Variants in RSBN1 observed in about 807,000 individuals in gnomAD.
The protein encoded by RSBN1 is lysine-specific demethylase 9.
Under a neutral mutation model 74.8 loss-of-function variants are expected in RSBN1, and 23 were observed. The observed-to-expected ratio is 0.31, with a 90% confidence interval of 0.22 to 0.44. The LOEUF is 0.44. Ranked by LOEUF, RSBN1 falls within the 20% of genes least tolerant of loss-of-function variation. The pLI, the probability that RSBN1 is intolerant of heterozygous loss-of-function variation, is 1.00. For missense variants in RSBN1, 808 were observed against 1,020.9 expected (o/e 0.79, Z 2.84); for synonymous variants, 407 against 379.6 (o/e 1.07, Z -0.84).
At position 113,765,217 on chromosome 1, in the gene RSBN1, TC is replaced by T. The variant is rs1415351473; in HGVS notation, c.*762del. 1.3e-5 allele frequency: 2 copies of T among 152,316 alleles called. No individual in the cohort carries two copies. The highest frequency in any genetic ancestry group is 4.8e-5 in the African/African-American group (2 of 41,452). 9.4% of individuals were successfully genotyped at this position (152,316 alleles called of 1,614,324 possible). ...TGCCAGGAAGCAGAACAATAGAGTA[TC>T]ATGTCAACATTATCTCTTTTACCCA... On this transcript the variant is annotated 3_prime_UTR_variant, in exon 7 of 7. Coordinates refer to ENST00000261441, the MANE Select transcript of RSBN1 (RefSeq NM_018364.5).
In RSBN1 at chr1:113,774,605, A is replaced by T. The variant is rs1469145361; in HGVS notation, c.1658+2605T>A. Among the ~76,000 whole-genome samples the T allele has an allele frequency of 2.0e-5, 3 of 151,976 alleles. No homozygotes were observed. The East Asian group carries it at 5.8e-4, about 29-fold the overall frequency. ...AGCAGGAGAATGGTGTGAACCCGGG[A>T]GGAGGGGCTTGCAGTGAGCCGAGAT... On this transcript the variant is annotated intron_variant, in intron 4 of 6. Coordinates refer to ENST00000261441, the MANE Select transcript of RSBN1 (RefSeq NM_018364.5).
rs138448231 is a variant in RSBN1 at position 113,812,187 on chromosome 1, G to C, written c.226C>G (p.Pro76Ala). ...CCCCGCGGGGAGACCCCAGCATGAGGTTTCTCCTTCCCCTCTTTGTCCGGC... is the reference window on the plus strand; with the variant it reads ...CCCCGCGGGGAGACCCCAGCATGAGCTTTCTCCTTCCCCTCTTTGTCCGGC... ...EEPDKEGKEK[P>A]HAGVSPRGVK... Residue 76 changes from proline (P) to alanine (A), a missense_variant, in exon 1 of 7, where the codon CCT becomes GCT. Coordinates refer to ENST00000261441, the MANE Select transcript of RSBN1 (RefSeq NM_018364.5). The C allele has an allele frequency of 1.2e-5, 19 of 1,608,680 alleles. No homozygotes were observed. The highest frequency in any genetic ancestry group is 1.6e-5 in the Non-Finnish European group (19 of 1,179,874).
intron 1 of RSBN1, among the ~76,000 whole-genome samples, chr1:113,798,647 A>C (rs1373232844): frequency 6.6e-6 from 1 of 152,210 alleles, no homozygotes; most frequent in Non-Finnish European, 1.5e-5. Context: ...AAGTCTTAAA[A>C]AATATTTCTA....
chr1:113,777,624 C>T, intron 3 of RSBN1, 47 bp downstream of exon 3: 1 of 1,540,768 alleles, frequency 6.5e-7, no homozygotes, highest in Non-Finnish European at 8.8e-7. Context: ...TATAAAGTGC[C>T]CACTTAAGTA....
At chr1:113,774,352 G>A (rs1659943540) in intron 4 of RSBN1, among the ~76,000 whole-genome samples, 1 of 151,800 alleles carries the variant, frequency 6.6e-6, no homozygotes, top group Admixed American at 6.6e-5. Flanking sequence ...AAGAGTTGGT[G>A]AGGGCCAACT....
At chr1:113,803,939 CAAAAAAAAA>C (rs55787910) in intron 1 of RSBN1, among the ~76,000 whole-genome samples, 2 of 63,490 alleles carry the variant, frequency 3.2e-5, no homozygotes, top group East Asian at 3.6e-4. Context: ...CCCATTTTTA[CAAAAAAAAA>C]AAAAAAAAAA....
In RSBN1 at chr1:113,808,531, A is replaced by G. The variant is rs78090295; in HGVS notation, c.703+3179T>C. 6.1e-3 allele frequency among the ~76,000 whole-genome samples: 930 copies of G among 152,324 alleles called. 7 individuals carry two copies. Among genetic ancestry groups the G allele is most frequent in the African/African-American group, 0.021 (870 of 41,562 alleles). Reference sequence around the variant, plus strand: ...ACATGCACACAAAAACCTGAACACCAATTTTCATAGAAGCTCTATCTATAA... The same window carrying G: ...ACATGCACACAAAAACCTGAACACCGATTTTCATAGAAGCTCTATCTATAA... On this transcript the variant is annotated intron_variant, in intron 1 of 6. Coordinates refer to ENST00000261441, the MANE Select transcript of RSBN1 (RefSeq NM_018364.5).
intron 2 of RSBN1, among the ~76,000 whole-genome samples, chr1:113,780,420 AC>A (rs1270893657): frequency 6.6e-6 from 1 of 152,254 alleles, no homozygotes; most frequent in East Asian, 1.9e-4. Context: ...ACTAAACTCA[AC>A]AGCACTGAAC....
chr1:113,812,279 AAC>A lies in RSBN1; in HGVS notation c.132_133del (p.Phe45CysfsTer3). The A allele has an allele frequency of 6.2e-7, 1 of 1,605,272 alleles. No individual in the cohort carries two copies. Among genetic ancestry groups the A allele is most frequent in the South Asian group, 1.1e-5 (1 of 91,064 alleles). ...GACCTGCGCAGCCATTTCACCCACA[AAC>A]ACACATTTAAATGGCCCGACCGCCC... On this transcript the variant is annotated frameshift_variant, in exon 1 of 7. Coordinates refer to ENST00000261441, the MANE Select transcript of RSBN1 (RefSeq NM_018364.5). LOFTEE classifies it high-confidence loss of function.
chr1:113,784,048 G>C (rs933664067), intron 2 of RSBN1, among the ~76,000 whole-genome samples: 2 of 152,160 alleles, frequency 1.3e-5, no homozygotes, highest in African/African-American at 4.8e-5. Flanking sequence ...ACCCAAAATA[G>C]AACATTTAAA....
At position 113,764,142 on chromosome 1, in the gene RSBN1, G is replaced by T. The variant is rs545297026; in HGVS notation, c.*1838C>A. The T allele has an allele frequency of 6.6e-6, 1 of 152,560 alleles. No individual in the cohort carries two copies. The allele number at this position is 152,560 out of a possible 1,614,324, so 9.5% of individuals were successfully genotyped here. A position where few individuals can be genotyped will look rare whatever the true frequency, so the allele number is the denominator to read the frequency against. Reference sequence around the variant, plus strand: ...ATAACAAAAAACACCCTCAAAGGCAGGTCCCGTTAAAAACTAGTCTGGATA... The same window carrying T: ...ATAACAAAAAACACCCTCAAAGGCATGTCCCGTTAAAAACTAGTCTGGATA... On this transcript the variant is annotated 3_prime_UTR_variant, in exon 7 of 7. Transcript: ENST00000261441.
In RSBN1 at chr1:113,765,963, GTT is replaced by G; in HGVS notation, c.*15_*16del. The G allele has an allele frequency of 6.4e-7, 1 of 1,563,226 alleles. No individual in the cohort carries two copies. Among genetic ancestry groups the G allele is most frequent in the Non-Finnish European group, 8.7e-7 (1 of 1,145,618 alleles). ...AAAATTTAAAAAAGTTAAAAAATGT[GTT>G]TGAATATGTACATATCACACAGAAG... On this transcript the variant is annotated 3_prime_UTR_variant, in exon 7 of 7. Transcript: ENST00000261441.
chr1:113,797,147 A>T (rs1206316887), intron 2 of RSBN1, among the ~76,000 whole-genome samples: 1 of 152,228 alleles, frequency 6.6e-6, no homozygotes, highest in Admixed American at 6.5e-5. Context: ...GTAATGATGT[A>T]TAACATGTAT....
intron 4 of RSBN1, among the ~76,000 whole-genome samples, chr1:113,773,500 G>A (rs755592997): frequency 2.0e-5 from 3 of 151,680 alleles, no homozygotes; most frequent in Non-Finnish European, 4.4e-5. Flanking sequence ...TCCAGCCTGG[G>A]TGACAGAGCA....
intron 2 of RSBN1, among the ~76,000 whole-genome samples, chr1:113,794,932 T>C (rs1301224422): frequency 6.6e-6 from 1 of 152,232 alleles, no homozygotes; most frequent in Non-Finnish European, 1.5e-5. Flanking sequence ...ATATTTAAAC[T>C]ATAAATAACT....
Position 113,806,178 on chromosome 1 carries a change from A to G in RSBN1, c.703+5532T>C, listed in dbSNP as rs575321684. Reference sequence around the variant, plus strand: ...TGGTGAAACCCCATCTCTACTAAAAATACAAAATTAGCTGGGTGTGGTGGT... The same window carrying G: ...TGGTGAAACCCCATCTCTACTAAAAGTACAAAATTAGCTGGGTGTGGTGGT... On this transcript the variant is annotated intron_variant, in intron 1 of 6. Coordinates refer to ENST00000261441, the MANE Select transcript of RSBN1 (RefSeq NM_018364.5). 3.3e-5 allele frequency among the ~76,000 whole-genome samples: 5 copies of G among 152,132 alleles called. No individual in the cohort carries two copies. In the East Asian group the frequency reaches 9.7e-4, roughly 29 times the overall value.
intron 2 of RSBN1, among the ~76,000 whole-genome samples, chr1:113,789,239 T>C (rs545765016): frequency 2.0e-4 from 31 of 152,228 alleles, no homozygotes; most frequent in African/African-American, 7.5e-4. Flanking sequence ...CAAGCCTACA[T>C]AATGAAGGCT....
intron 1 of RSBN1, among the ~76,000 whole-genome samples, chr1:113,810,768 G>A (rs1449585023): frequency 6.6e-6 from 1 of 151,958 alleles, no homozygotes; most frequent in Non-Finnish European, 1.5e-5. Context: ...TATTCCTGAG[G>A]AAAAACAACT....
chr1:113,803,384 G>A (rs768211975), intron 1 of RSBN1, among the ~76,000 whole-genome samples: 1 of 152,186 alleles, frequency 6.6e-6, no homozygotes, highest in Non-Finnish European at 1.5e-5. Context: ...CTGCTGGATC[G>A]TATAGTATGT....
Sources: gnomAD v4.1 joint callset for allele counts (sites outside exome capture counted in the v4.1 genomes callset) on GRCh38, gnomAD v4.1.1 for gene constraint, MANE v1.5 for transcripts, NCBI Gene and HGNC (gene_info 2026-07-23, HGNC 2026-07-21) for gene names.